Variants in DGKA observed in about 807,000 individuals in gnomAD.
DGKA encodes 80 kDa diacylglycerol kinase.
A neutral mutation model predicts 105.0 loss-of-function variants in DGKA; 35 were observed. The observed-to-expected ratio is 0.33, with a 90% confidence interval of 0.25 to 0.44. The LOEUF is 0.44. DGKA is among the 20% of genes least tolerant of loss of function. The pLI is 1.00. For synonymous variants in DGKA, 296 were observed against 332.0 expected (o/e 0.89, Z 1.18); for missense variants, 665 against 915.0 (o/e 0.73, Z 3.53).
chr12:55,953,446 T>G (rs780153152), intron 23 of DGKA, 36 bp downstream of exon 23: 3 of 1,603,784 alleles, frequency 1.9e-6, no homozygotes, highest in Non-Finnish European at 1.7e-6. Context: ...AATTAAACCC[T>G]TGGGCTCCAT....
chr12:55,942,167 T>TC lies in DGKA; in HGVS notation c.1337-5dup, dbSNP rs1394502613. 6.2e-7 allele frequency: 1 copy of TC among 1,614,088 alleles called. No homozygotes were observed. The highest frequency in any genetic ancestry group is 1.3e-5 in the African/African-American group (1 of 74,936). On this transcript the variant is annotated splice_polypyrimidine_tract_variant and splice_region_variant and intron_variant, in intron 16 of 23. Transcript: ENST00000331886. ...CACTCCATCCTTCTCTTCACCTGCC[T>TC]CCGCAGACAAAGCTAACTTGCCAGT...
Position 55,953,907 on chromosome 12 carries a change from T to C in DGKA, c.*139T>C. ...TCCTTCACCCTCACAGTATTTATTA[T>C]CCTGCACCACCTCACTGTTCCCCAT... On this transcript the variant is annotated 3_prime_UTR_variant, in exon 24 of 24. Transcript: ENST00000331886. 1 of 737,260 alleles carries C rather than the reference T, an allele frequency of 1.4e-6. No individual in the cohort carries two copies. The highest frequency in any genetic ancestry group is 2.3e-6 in the Non-Finnish European group (1 of 440,028). 45.7% of individuals were successfully genotyped at this position (737,260 alleles called of 1,614,324 possible).
chr12:55,947,439 T>G (rs1241543395), intron 17 of DGKA, among the ~76,000 whole-genome samples: 1 of 152,218 alleles, frequency 6.6e-6, no homozygotes, highest in African/African-American at 2.4e-5. Context: ...TTCCTCCATG[T>G]TTTACTTCCT....
Position 55,952,257 on chromosome 12 carries a change from A to G in DGKA, c.1653-84A>G, listed in dbSNP as rs1888313851. On this transcript the variant is annotated intron_variant, in intron 19 of 23. Transcript: ENST00000331886. The surrounding 1 kb of genome is among the most constrained non-coding windows in gnomAD (Gnocchi z 5.1). ...CCATGGGACTAAAGTTAGGAGGTTG[A>G]TGCCCTTCCCTGTCACGTACCACCC... The G allele has an allele frequency of 6.6e-7, 1 of 1,520,086 alleles. No homozygotes were observed. The highest frequency in any genetic ancestry group is 9.1e-7 in the Non-Finnish European group (1 of 1,095,174). 94.2% of individuals were successfully genotyped at this position (1,520,086 alleles called of 1,614,324 possible). A position where few individuals can be genotyped will look rare whatever the true frequency, so the allele number is the denominator to read the frequency against.
At chr12:55,949,634 G>C (rs1317520097) in intron 17 of DGKA, among the ~76,000 whole-genome samples, 1 of 152,098 alleles carries the variant, frequency 6.6e-6, no homozygotes, top group Non-Finnish European at 1.5e-5. Context: ...ATTAGCATTT[G>C]GTTTTCTGAA....
At chr12:55,936,990 T>C in intron 2 of DGKA, 27 bp from the exon 3 acceptor site, 1 of 1,598,778 alleles carries the variant, frequency 6.3e-7, no homozygotes, top group Non-Finnish European at 8.6e-7. Context: ...CTAATAATGC[T>C]GTTCTCTTAC....
rs748778398 is a variant in DGKA, at chr12:55,952,981, G to A, written c.1942+49G>A. On this transcript the variant is annotated intron_variant, in intron 21 of 23. Transcript: ENST00000331886. The surrounding 1 kb of genome is among the most constrained non-coding windows in gnomAD (Gnocchi z 5.1). ...TGAGTGGGCAGGACGAAGGGAAAGT[G>A]TGACTCCCTATGGGGATACCCTGTT... 3.2e-5 allele frequency: 52 copies of A among 1,614,066 alleles called. No individual in the cohort carries two copies. The highest frequency in any genetic ancestry group is 4.2e-5 in the Non-Finnish European group (49 of 1,179,946).
chr12:55,939,975 C>T (rs1885558644), intron 9 of DGKA, 107 bp from the exon 10 acceptor site: 19 of 1,022,710 alleles, frequency 1.9e-5, no homozygotes, highest in South Asian at 8.1e-5. Context: ...TATTCTGCTA[C>T]ACCCTCAAGC....
In DGKA at chr12:55,939,845, C is replaced by T. The variant is rs900855022; in HGVS notation, c.710-237C>T. The T allele has an allele frequency of 1.7e-5, 10 of 593,278 alleles. No individual in the cohort carries two copies. The African/African-American group carries it at 1.9e-4, about 11-fold the overall frequency. The allele number at this position is 593,278 out of a possible 1,614,324, so 36.8% of individuals were successfully genotyped here. A position where few individuals can be genotyped will look rare whatever the true frequency, so the allele number is the denominator to read the frequency against. ...CCTGGGCCTCCCAAGCATTATCCAG[C>T]TCAGTTCCTGCCTGGCACATGGATG... On this transcript the variant is annotated intron_variant, in intron 9 of 23. Transcript: ENST00000331886.
At chr12:55,929,059 A>C (rs1883254437), upstream of DGKA, 1 of 151,872 alleles carries the variant, frequency 6.6e-6, no homozygotes, top group South Asian at 2.1e-4. Flanking sequence ...CGGGAGGCTG[A>C]GGAATGAACC....
Position 55,932,711 on chromosome 12 carries a change from A to T in DGKA, c.-82+1367A>T. The stretch of plus-strand genomic sequence containing the variant: ...ACCCTCTACACACACACACACACGC[A>T]CACACACACACACACACACACACAC... On this transcript the variant is annotated intron_variant, in intron 1 of 23. Coordinates refer to ENST00000331886, the MANE Select transcript of DGKA (RefSeq NM_001345.5). This position sits in a 1 kb window ranked among gnomAD's most constrained non-coding sequence, Gnocchi z 4.3. 5 of 12,504 alleles carry T rather than the reference A, an allele frequency of 4.0e-4. No homozygotes were observed. The highest frequency in any genetic ancestry group is 1.7e-3 in the South Asian group (1 of 596). The allele number at this position is 12,504 out of a possible 1,614,324, so 0.8% of individuals were successfully genotyped here. A position where few individuals can be genotyped will look rare whatever the true frequency, so the allele number is the denominator to read the frequency against.
rs1885967649 is a variant in DGKA, at chr12:55,941,448, G to T, written c.1176-62G>T. 2.5e-6 allele frequency: 4 copies of T among 1,587,692 alleles called. No homozygotes were observed. The African/African-American group carries it at 5.4e-5, about 21-fold the overall frequency. On this transcript the variant is annotated intron_variant, in intron 14 of 23. Coordinates refer to ENST00000331886, the MANE Select transcript of DGKA (RefSeq NM_001345.5). The stretch of plus-strand genomic sequence containing the variant: ...CTTGAGGAACACACAAAGAGGGTGA[G>T]GTTCAGAAGATCACCCCCAACCCCC...
rs1491306573 is a variant in DGKA at position 55,932,709 on chromosome 12, G to GCGCACA, written c.-82+1366_-82+1367insGCACAC. On this transcript the variant is annotated intron_variant, in intron 1 of 23. Coordinates refer to ENST00000331886, the MANE Select transcript of DGKA (RefSeq NM_001345.5). The surrounding 1 kb of genome is among the most constrained non-coding windows in gnomAD (Gnocchi z 4.3). ...ACACCCTCTACACACACACACACAC[G>GCGCACA]CACACACACACACACACACACACAC... is the stretch of plus-strand genomic sequence containing the variant. 2 of 456,856 alleles carry GCGCACA rather than the reference G, an allele frequency of 4.4e-6. No homozygotes were observed. Among genetic ancestry groups the GCGCACA allele is most frequent in the African/African-American group, 4.1e-5 (2 of 48,340 alleles). 28.3% of individuals were successfully genotyped at this position (456,856 alleles called of 1,614,324 possible).
Position 55,944,362 on chromosome 12 carries a change from T to G in DGKA, c.1426+2099T>G, listed in dbSNP as rs997965718. ...GGTGGCACATGCCTATAGTCCCAGC[T>G]GAGGCTGAGGCGGGAGGATTGCTTC... On this transcript the variant is annotated intron_variant, in intron 17 of 23. Transcript: ENST00000331886. 2.0e-5 allele frequency among the ~76,000 whole-genome samples: 3 copies of G among 152,236 alleles called. No homozygotes were observed. In the East Asian group the frequency reaches 5.8e-4, roughly 29 times the overall value.
At chr12:55,937,932 C>A in intron 4 of DGKA, 46 bp from the exon 5 acceptor site, 1 of 1,543,632 alleles carries the variant, frequency 6.5e-7, no homozygotes. Context: ...AAACATGAGC[C>A]AAAGTGGAGG....
chr12:55,927,930 G>C, upstream of DGKA: 1 of 800,102 alleles, frequency 1.2e-6, no homozygotes, highest in Non-Finnish European at 1.9e-6. Context: ...CAGAGGGCAG[G>C]GTGAAAGCTT....
rs748281315 is a variant in DGKA at position 55,953,731 on chromosome 12, C to A, written c.2171C>A (p.Pro724His). The change falls in exon 24 of 24, where the codon CCC becomes CAC. Residue 724 changes from proline (P) to histidine (H), a missense_variant. By Grantham distance (77) the Pro-to-His change is moderately conservative (BLOSUM62 -2). Around this residue, in one of 3 missense-constraint regions of DGKA, gnomAD observed 158 missense variants for 213.4 expected, o/e 0.74. Coordinates refer to ENST00000331886, the MANE Select transcript of DGKA (RefSeq NM_001345.5). ...KNQMPMLMGP[P>H]PRSTNFFGFL... ...CAGATGCCCATGCTCATGGGCCCACCCCCCCGCTCCACCAATTTCTTTGGC... is the reference window on the plus strand; with the variant it reads ...CAGATGCCCATGCTCATGGGCCCACACCCCCGCTCCACCAATTTCTTTGGC... 1 of 1,614,172 alleles carries A rather than the reference C, an allele frequency of 6.2e-7. No individual in the cohort carries two copies. The highest frequency in any genetic ancestry group is 1.1e-5 in the South Asian group (1 of 91,082).
At chr12:55,948,263 G>A (rs1887438865) in intron 17 of DGKA, among the ~76,000 whole-genome samples, 1 of 151,892 alleles carries the variant, frequency 6.6e-6, no homozygotes, top group Admixed American at 6.6e-5. Flanking sequence ...AGCTGGGTGT[G>A]GTGGCAGGCA....
Position 55,942,217 on chromosome 12 carries a change from C to G in DGKA, c.1380C>G (p.Pro460=). The G allele has an allele frequency of 6.2e-7, 1 of 1,614,080 alleles. No homozygotes were observed. Among genetic ancestry groups the G allele is most frequent in the East Asian group, 2.2e-5 (1 of 44,878 alleles). ...TTTTGCCTCCTGTTGCTGTGTTGCC[C>G]CTGGGTACTGGAAATGATCTGGCTC... is the stretch of plus-strand genomic sequence containing the variant. ...LPVLPPVAVL[P]LGTGNDLARC... is the part of the protein sequence containing the mutation. Residue 460 remains proline, a synonymous_variant, in exon 17 of 24, where the codon CCC becomes CCG. Coordinates refer to ENST00000331886, the MANE Select transcript of DGKA (RefSeq NM_001345.5).
Sources: allele counts gnomAD v4.1 joint callset (sites outside exome capture counted in the v4.1 genomes callset), GRCh38; gene constraint gnomAD v4.1.1; regional missense constraint gnomAD v4.1.1; non-coding constraint Gnocchi (gnomAD v3.1); transcripts MANE v1.5; gene names NCBI Gene and HGNC (gene_info 2026-07-23, HGNC 2026-07-21).